PLD3: variants seen among roughly 807,000 people sequenced by gnomAD.
PLD3 encodes 5'-3' exonuclease PLD3.
Under a neutral mutation model 58.4 loss-of-function variants are expected in PLD3, and 31 were observed. That is an observed-to-expected ratio of 0.53 (90% CI 0.40 to 0.72). The LOEUF (loss-of-function observed/expected upper bound fraction) is 0.72, where lower values mean the gene tolerates loss of function less well. PLD3 is among the 30% of genes least tolerant of loss of function. The pLI, the probability that PLD3 is intolerant of heterozygous loss-of-function variation, is 0.00. For synonymous variants in PLD3, 264 were observed against 273.4 expected, an observed-to-expected ratio of 0.97 and a Z score of 0.34; for missense variants, 595 against 659.8, an observed-to-expected ratio of 0.90 and a Z score of 1.08.
intron 1 of PLD3, among the ~76,000 whole-genome samples, chr19:40,348,991 C>T (rs1244787552): frequency 2.6e-5 from 4 of 152,008 alleles, no homozygotes; most frequent in African/African-American, 9.7e-5. Context: ...CTCACAACTC[C>T]TTCTGTCGCC....
At chr19:40,373,352 G>A (rs545964425) in intron 9 of PLD3, among the ~76,000 whole-genome samples, 6 of 152,100 alleles carry the variant, frequency 3.9e-5, no homozygotes, top group South Asian at 2.1e-4. Flanking sequence ...CAGGATGGGC[G>A]GATCACTTGA....
intron 1 of PLD3, among the ~76,000 whole-genome samples, chr19:40,362,446 T>C (rs1450666541): frequency 6.6e-6 from 1 of 152,196 alleles, no homozygotes; most frequent in Non-Finnish European, 1.5e-5. Context: ...TATTTGTTTG[T>C]TTTTTATGAG....
chr19:40,367,559 G>A (rs374510747), intron 5 of PLD3, 137 bp from the exon 6 acceptor site: 3 of 681,858 alleles, frequency 4.4e-6, no homozygotes, highest in Non-Finnish European at 7.1e-6. Context: ...TCCAGCCTGG[G>A]GGACAGGGCA....
chr19:40,370,011 A>G lies in PLD3; in HGVS notation c.533A>G (p.Gln178Arg). Residue 178 changes from glutamine to arginine, a missense_variant, in exon 7 of 13, where the codon CAG becomes CGG. By Grantham distance (43) the Gln-to-Arg change is conservative. Transcript: ENST00000409735. ...PSGPQPQADL[Q>R]ALLQSGAQVR... ...GGGCCCCAGCCACAGGCGGACCTGCAGGCTCTGCTGCAGAGCGGTGAGCTG... is the reference window on the plus strand; with the variant it reads ...GGGCCCCAGCCACAGGCGGACCTGCGGGCTCTGCTGCAGAGCGGTGAGCTG... 6.4e-7 allele frequency: 1 copy of G among 1,561,752 alleles called. No individual in the cohort carries two copies. Among genetic ancestry groups the G allele is most frequent in the Non-Finnish European group, 8.7e-7 (1 of 1,153,862 alleles).
chr19:40,367,012 C>T (rs561637149), intron 5 of PLD3, 97 bp downstream of exon 5: 48 of 1,380,644 alleles, frequency 3.5e-5, no homozygotes, highest in Non-Finnish European at 3.0e-5. Context: ...CCCTACCCAG[C>T]GCTTGCGACA....
chr19:40,350,063 C>G (rs1217078032), intron 1 of PLD3, among the ~76,000 whole-genome samples: 1 of 151,170 alleles, frequency 6.6e-6, no homozygotes, highest in Non-Finnish European at 1.5e-5. Context: ...AAGTTCGAGA[C>G]CAGCCTGACC....
At chr19:40,363,344 GTTATC>G (rs61329031) in intron 1 of PLD3, among the ~76,000 whole-genome samples, 30,946 of 152,064 alleles carry the variant, frequency 0.2, 3,378 homozygotes, top group African/African-American at 0.29. Flanking sequence ...TAAGACTGAT[GTTATC>G]TTCTGCTTCT....
chr19:40,370,407 T>C, intron 8 of PLD3, 170 bp downstream of exon 8: 1 of 683,658 alleles, frequency 1.5e-6, no homozygotes, highest in Non-Finnish European at 2.4e-6. Context: ...GCACGGTGGC[T>C]CACACCTATA....
chr19:40,370,359 C>T, intron 8 of PLD3, 122 bp downstream of exon 8: 1 of 1,115,122 alleles, frequency 9.0e-7, no homozygotes, highest in South Asian at 1.5e-5. Flanking sequence ...TAATGGCTTC[C>T]TTCTTGCCTC....
chr19:40,354,672 C>G (rs1385400673), intron 1 of PLD3, among the ~76,000 whole-genome samples: 1 of 151,842 alleles, frequency 6.6e-6, no homozygotes, highest in African/African-American at 2.4e-5. Flanking sequence ...ATTACAAGTG[C>G]GTACCACCAC....
chr19:40,367,785 T>C lies in PLD3; in HGVS notation c.335T>C (p.Leu112Pro). The C allele has an allele frequency of 6.2e-7, 1 of 1,612,310 alleles. No individual in the cohort carries two copies. The highest frequency in any genetic ancestry group is 8.5e-7 in the Non-Finnish European group (1 of 1,179,346). Reference protein sequence around the residue: ...NPSTSQAWLGLLAGAHSSLDI... With the variant: ...NPSTSQAWLGPLAGAHSSLDI... ...TCCACCAGCCAGGCCTGGCTGGGCC[T>C]GCTCGCCGGTGCGCACAGCAGCCTG... The change falls in exon 6 of 13, where the codon CTG becomes CCG. Residue 112 changes from leucine (L) to proline (P), a missense_variant. Coordinates refer to ENST00000409735, the MANE Select transcript of PLD3 (RefSeq NM_012268.4).
chr19:40,361,582 C>T (rs2078785647), intron 1 of PLD3, among the ~76,000 whole-genome samples: 1 of 152,140 alleles, frequency 6.6e-6, no homozygotes, highest in Non-Finnish European at 1.5e-5. Flanking sequence ...TCACTGCAGA[C>T]ACACTGGCAT....
intron 1 of PLD3, among the ~76,000 whole-genome samples, chr19:40,364,196 A>T (rs1364721162): frequency 6.6e-6 from 1 of 151,794 alleles, no homozygotes; most frequent in Non-Finnish European, 1.5e-5. Context: ...TCTACTAAAA[A>T]TACAAAAATT....
chr19:40,350,819 G>A (rs1031366958), intron 1 of PLD3, among the ~76,000 whole-genome samples: 1 of 152,052 alleles, frequency 6.6e-6, no homozygotes, highest in Non-Finnish European at 1.5e-5. Flanking sequence ...GGGTAAATAG[G>A]TAAGTAGATT....
chr19:40,374,781 C>A, intron 10 of PLD3, 161 bp downstream of exon 10: 1 of 694,512 alleles, frequency 1.4e-6, no homozygotes, highest in Non-Finnish European at 2.4e-6. Flanking sequence ...AAGAAGGTAT[C>A]TAGGCACTTG....
intron 1 of PLD3, among the ~76,000 whole-genome samples, chr19:40,365,388 A>G (rs1458266937): frequency 6.6e-6 from 1 of 152,226 alleles, no homozygotes; most frequent in African/African-American, 2.4e-5. Flanking sequence ...AGACTCCAAC[A>G]GAAAATTCAC....
intron 6 of PLD3, among the ~76,000 whole-genome samples, chr19:40,368,169 C>T (rs2078976035): frequency 1.3e-5 from 2 of 152,134 alleles, no homozygotes; most frequent in Non-Finnish European, 2.9e-5. Flanking sequence ...CCCAGTCACA[C>T]AAAGAAAGGG....
intron 1 of PLD3, among the ~76,000 whole-genome samples, chr19:40,352,788 T>G (rs564696447): frequency 1.3e-3 from 204 of 151,538 alleles, no homozygotes; most frequent in African/African-American, 4.6e-3. Flanking sequence ...TGTGGTGAGA[T>G]CCCAACTCTA....
chr19:40,362,160 T>A (rs1031642279), intron 1 of PLD3, among the ~76,000 whole-genome samples: 1 of 152,148 alleles, frequency 6.6e-6, no homozygotes, highest in African/African-American at 2.4e-5. Context: ...CGTGTCTATT[T>A]TGTTCACAGC....
Sources: gnomAD v4.1 joint callset for allele counts (sites outside exome capture counted in the v4.1 genomes callset) on GRCh38, gnomAD v4.1.1 for gene constraint, MANE v1.5 for transcripts, NCBI Gene and HGNC (gene_info 2026-07-23, HGNC 2026-07-21) for gene names.